ZNF493: variants seen among roughly 807,000 people sequenced by gnomAD.
The protein encoded by ZNF493 is zinc finger protein 493.
Under a neutral mutation model 12.2 loss-of-function variants are expected in ZNF493, and 11 were observed. The observed-to-expected ratio is 0.90, with a 90% CI of 0.57 to 1.50. ZNF493 has a LOEUF of 1.50. ZNF493 is among the 40% of genes most tolerant of loss of function. ZNF493 has a pLI of 0.00. For synonymous variants in ZNF493, 286 were observed against 302.6 expected, an observed-to-expected ratio of 0.95 and a Z score of 0.57; for missense variants, 950 against 906.6, an observed-to-expected ratio of 1.05 and a Z score of -0.61.
intron 3 of ZNF493, among the ~76,000 whole-genome samples, chr19:21,410,582 A>G (rs1217773325): frequency 6.6e-6 from 1 of 152,134 alleles, no homozygotes; most frequent in Non-Finnish European, 1.5e-5. Context: ...AAGAGTTCAT[A>G]TGTTATGAAT....
intron 3 of ZNF493, among the ~76,000 whole-genome samples, chr19:21,415,868 A>G (rs1343469660): frequency 2.0e-5 from 3 of 152,182 alleles, no homozygotes; most frequent in Non-Finnish European, 4.4e-5. Context: ...TTAAAGGCCA[A>G]TTTTTTGGAA....
chr19:21,426,307 C>T lies in ZNF493; in HGVS notation c.*1323C>T. On this transcript the variant is annotated 3_prime_UTR_variant, in exon 4 of 4. Coordinates refer to ENST00000392288, the MANE Select transcript of ZNF493 (RefSeq NM_001076678.3). ...GTGGCAAAGTTTTTAACTAATACAC[C>T]TTATTGCACAGAAAATCATTTATAT... is the stretch of plus-strand genomic sequence containing the variant. The T allele has an allele frequency of 5.6e-6, 1 of 178,826 alleles. No individual in the cohort carries two copies. The highest frequency in any genetic ancestry group is 1.3e-5 in the Non-Finnish European group (1 of 74,922). 11.1% of individuals were successfully genotyped at this position (178,826 alleles called of 1,614,324 possible).
chr19:21,419,904 C>G (rs1321555624), intron 3 of ZNF493, among the ~76,000 whole-genome samples: 1 of 152,088 alleles, frequency 6.6e-6, no homozygotes, highest in Non-Finnish European at 1.5e-5. Context: ...AACTTATTCC[C>G]TCTCCCCACT....
intron 3 of ZNF493, among the ~76,000 whole-genome samples, 178 bp from the exon 4 acceptor site, chr19:21,422,735 T>G (rs1424300642): frequency 6.6e-6 from 1 of 152,138 alleles, no homozygotes; most frequent in African/African-American, 2.4e-5. Flanking sequence ...TCATTTATAA[T>G]TTTTTCTCAG....
At chr19:21,415,208 C>G (rs1429814098) in intron 3 of ZNF493, among the ~76,000 whole-genome samples, 3 of 152,150 alleles carry the variant, frequency 2.0e-5, no homozygotes, top group Non-Finnish European at 4.4e-5. Context: ...AGAGTCTTCT[C>G]TGGGTCTATT....
chr19:21,410,060 GTATATATATATATA>G (rs60038018), intron 3 of ZNF493, among the ~76,000 whole-genome samples: 3 of 43,958 alleles, frequency 6.8e-5, no homozygotes, highest in African/African-American at 1.3e-4. Flanking sequence ...TTCATTGTGT[GTATATATATATATA>G]TATATATATA....
At position 21,423,373 on chromosome 19, in the gene ZNF493, C is replaced by T. The variant is rs562005035; in HGVS notation, c.714C>T (p.Tyr238=). 144 of 1,613,608 alleles carry T rather than the reference C, an allele frequency of 8.9e-5. No homozygotes were observed. Among genetic ancestry groups the T allele is most frequent in the South Asian group, 1.9e-4 (17 of 91,058 alleles). ...GAGTTCATACTGGAGAGAAATCCTACAAATATGAATGTGGCAAATCTTTTA... is the reference window on the plus strand; with the variant it reads ...GAGTTCATACTGGAGAGAAATCCTATAAATATGAATGTGGCAAATCTTTTA... ...HRRVHTGEKS[Y]KYECGKSFNQ... The change falls in exon 4 of 4, where the codon TAC becomes TAT. Residue 238 remains tyrosine, a synonymous_variant. Coordinates refer to ENST00000392288, the MANE Select transcript of ZNF493 (RefSeq NM_001076678.3).
rs2650846 is a variant in ZNF493 at position 21,405,027 on chromosome 19, C to T, written c.31-102C>T. The T allele has an allele frequency of 1.1e-3, 1,613 of 1,509,114 alleles. 13 individuals carry two copies. In the African/African-American group the frequency reaches 0.02, roughly 19 times the overall value. 93.5% of individuals were successfully genotyped at this position (1,509,114 alleles called of 1,614,324 possible). ...TTTCAGTCATTCCTGTAAGTCAGAA[C>T]GAATTTTCTTTACTTTCTCATTTGA... On this transcript the variant is annotated intron_variant, in intron 1 of 3. Coordinates refer to ENST00000392288, the MANE Select transcript of ZNF493 (RefSeq NM_001076678.3).
intron 1 of ZNF493, among the ~76,000 whole-genome samples, chr19:21,402,857 A>G (rs562354151): frequency 6.6e-6 from 1 of 152,350 alleles, no homozygotes; most frequent in South Asian, 2.1e-4. Flanking sequence ...AGCTATGACC[A>G]CAACTATACC....
chr19:21,420,789 G>A lies in ZNF493; in HGVS notation c.254-2124G>A, dbSNP rs572938792. On this transcript the variant is annotated intron_variant, in intron 3 of 3. Coordinates refer to ENST00000392288, the MANE Select transcript of ZNF493 (RefSeq NM_001076678.3). ...TTTTTTGAGACGAAGTTTTGCTATT[G>A]TTGCCCAGGCTAAGTGCAATGGTGT... Among the ~76,000 whole-genome samples the A allele has an allele frequency of 3.4e-4, 37 of 108,436 alleles. No homozygotes were observed. In the South Asian group the frequency reaches 7.5e-3, roughly 22 times the overall value. The allele number at this position is 108,436 out of a possible 152,430, so 71.1% of individuals were successfully genotyped here. A position where few individuals can be genotyped will look rare whatever the true frequency, so the allele number is the denominator to read the frequency against.
intron 3 of ZNF493, among the ~76,000 whole-genome samples, chr19:21,411,466 T>G (rs1452145272): frequency 1.3e-5 from 2 of 152,160 alleles, no homozygotes; most frequent in Non-Finnish European, 2.9e-5. Flanking sequence ...ACACCTGTAA[T>G]CCCAACAGTT....
intron 3 of ZNF493, among the ~76,000 whole-genome samples, chr19:21,420,992 C>T (rs999906407): frequency 6.6e-6 from 1 of 152,060 alleles, no homozygotes; most frequent in African/African-American, 2.4e-5. Context: ...AGGTTGTTGG[C>T]ATGCCTTGGC....
At chr19:21,410,449 A>G (rs114651860) in intron 3 of ZNF493, among the ~76,000 whole-genome samples, 2,051 of 152,194 alleles carry the variant, frequency 0.013, 52 homozygotes, top group African/African-American at 0.047. Context: ...GTGTTTCTCT[A>G]CAAAGTATTA....
In ZNF493 at chr19:21,423,619, C is replaced by T; in HGVS notation, c.960C>T (p.Pro320=). Residue 320 remains proline, a synonymous_variant, in exon 4 of 4, where the codon CCC becomes CCT. Coordinates refer to ENST00000392288, the MANE Select transcript of ZNF493 (RefSeq NM_001076678.3). ...GHKIIHNGEK[P]YKCEECGKAF... is the part of the protein sequence containing the mutation. ...AGATAATTCATAATGGAGAAAAACC[C>T]TATAAATGTGAAGAATGTGGCAAAG... is the stretch of plus-strand genomic sequence containing the variant. 2 of 1,609,476 alleles carry T rather than the reference C, an allele frequency of 1.2e-6. No individual in the cohort carries two copies. The highest frequency in any genetic ancestry group is 1.7e-6 in the Non-Finnish European group (2 of 1,179,498).
intron 1 of ZNF493, among the ~76,000 whole-genome samples, chr19:21,403,128 A>G (rs960680462): frequency 6.6e-5 from 10 of 152,222 alleles, no homozygotes; most frequent in African/African-American, 2.2e-4. Context: ...TACATGGCCA[A>G]TTTGCAGAAA....
At position 21,423,789 on chromosome 19, in the gene ZNF493, A is replaced by G. The variant is rs988972305; in HGVS notation, c.1130A>G (p.Tyr377Cys). The stretch of plus-strand genomic sequence containing the variant: ...AGAATTCATACTGGAGAGAAACCCT[A>G]CAAATGTGAAGAATGTGGCAAAGCC... The part of the protein sequence containing the change: ...HKRIHTGEKP[Y>C]KCEECGKAFS... The change falls in exon 4 of 4, where the codon TAC (tyrosine) becomes TGC (cysteine). Residue 377 changes from tyrosine (Y) to cysteine (C), a missense_variant. Transcript: ENST00000392288. 1 of 1,613,198 alleles carries G rather than the reference A, an allele frequency of 6.2e-7. No homozygotes were observed. Among genetic ancestry groups the G allele is most frequent in the Non-Finnish European group, 8.5e-7 (1 of 1,179,476 alleles).
At chr19:21,412,937 C>G (rs551163195) in intron 3 of ZNF493, 10 of 432,190 alleles carry the variant, frequency 2.3e-5, no homozygotes, top group South Asian at 1.6e-4. Context: ...GGTCGAGGTG[C>G]CACTATACTG....
chr19:21,399,151 A>AT (rs1279411342), intron 1 of ZNF493, among the ~76,000 whole-genome samples: 1 of 151,676 alleles, frequency 6.6e-6, no homozygotes, highest in Non-Finnish European at 1.5e-5. Context: ...TTATTTATTT[A>AT]TTTTTTATTT....
chr19:21,413,447 G>C (rs2030387852), intron 3 of ZNF493: 1 of 404,476 alleles, frequency 2.5e-6, no homozygotes, highest in East Asian at 3.6e-5. Flanking sequence ...ATTGTGACTG[G>C]TTGTCCCACT....
Sources: gnomAD v4.1 joint callset for allele counts (sites outside exome capture counted in the v4.1 genomes callset) on GRCh38, gnomAD v4.1.1 for gene constraint, MANE v1.5 for transcripts, NCBI Gene and HGNC (gene_info 2026-07-23, HGNC 2026-07-21) for gene names.